EDEM2: variants seen among roughly 807,000 people sequenced by gnomAD.
The protein encoded by EDEM2 is ER degradation-enhancing alpha-mannosidase-like protein 2.
EDEM2 carries 39 observed loss-of-function variants against 64.8 expected under a neutral mutation model. The observed-to-expected ratio is 0.60, with a 90% CI of 0.47 to 0.79. The LOEUF (loss-of-function observed/expected upper bound fraction) is 0.79, where lower values mean the gene tolerates loss of function less well. EDEM2 is among the 30% of genes least tolerant of loss of function. The probability of loss-of-function intolerance (pLI) is 0.00; values close to 1 mark genes in which losing one functional copy is unlikely to be tolerated. For synonymous variants in EDEM2, 296 were observed against 291.5 expected (o/e 1.02, Z -0.16); for missense variants, 609 against 731.3 (o/e 0.83, Z 1.93).
chr20:35,144,136 T>A (rs761829116), intron 3 of EDEM2, among the ~76,000 whole-genome samples: 8 of 151,148 alleles, frequency 5.3e-5, no homozygotes, highest in Non-Finnish European at 1.2e-4. Context: ...CTTGAACTCC[T>A]GTGCTCAAGC....
At chr20:35,124,889 T>C (rs2085411916) in intron 8 of EDEM2, among the ~76,000 whole-genome samples, 1 of 152,206 alleles carries the variant, frequency 6.6e-6, no homozygotes, top group African/African-American at 2.4e-5. Context: ...ATATGTCACA[T>C]CAAATAGATG....
At chr20:35,143,407 G>A (rs1048673211) in intron 3 of EDEM2, among the ~76,000 whole-genome samples, 5 of 152,124 alleles carry the variant, frequency 3.3e-5, no homozygotes, top group East Asian at 1.9e-4. Flanking sequence ...AGACCATGAC[G>A]TACTAAGCAT....
intron 10 of EDEM2, among the ~76,000 whole-genome samples, chr20:35,117,764 C>T (rs959293924): frequency 6.6e-6 from 1 of 152,140 alleles, no homozygotes; most frequent in Non-Finnish European, 1.5e-5. Context: ...ATATTTATAT[C>T]TTGCCTGCTT....
intron 2 of EDEM2, among the ~76,000 whole-genome samples, chr20:35,146,066 C>T (rs1050634338): frequency 6.7e-6 from 1 of 148,232 alleles, no homozygotes; most frequent in Non-Finnish European, 1.5e-5. Flanking sequence ...TTAAGAAGTT[C>T]ATTTTAAAAA....
intron 4 of EDEM2, among the ~76,000 whole-genome samples, chr20:35,139,651 GAA>G (rs924462871): frequency 9.3e-5 from 7 of 75,084 alleles, no homozygotes; most frequent in Non-Finnish European, 1.1e-4. Flanking sequence ...CTCCATCTCA[GAA>G]AAAAAAAAAA....
rs139566342 is a variant in EDEM2 at position 35,131,736 on chromosome 20, G to A, written c.750C>T (p.Asp250=). 1.4e-5 allele frequency: 22 copies of A among 1,614,078 alleles called. No homozygotes were observed. The highest frequency in any genetic ancestry group is 7.7e-5 in the South Asian group (7 of 91,076). ...AGTCCACGCCAGCCCCGATGCCTGC[G>A]TCCTGGGCCACCCACTTGCCAGTGA... is the stretch of plus-strand genomic sequence containing the variant. The part of the protein sequence containing the change: ...DVLTGKWVAQ[D]AGIGAGVDSY... Residue 250 remains aspartate (D), a synonymous_variant, in exon 7 of 11, where the codon GAC becomes GAT. Transcript: ENST00000374492.
Position 35,115,565 on chromosome 20 carries a change from G to A in EDEM2, c.1605C>T (p.Phe535=). 6.2e-7 allele frequency: 1 copy of A among 1,614,158 alleles called. No individual in the cohort carries two copies. The highest frequency in any genetic ancestry group is 8.5e-7 in the Non-Finnish European group (1 of 1,180,026). Residue 535 remains phenylalanine (F), a synonymous_variant, in exon 11 of 11, where the codon TTC becomes TTT. Transcript: ENST00000374492. ...WEPPARPGTL[F]SPENHDQARE... is the part of the protein sequence containing the mutation. ...TTGCCTGGTCATGGTTTTCTGGTGA[G>A]AAGAGTGTTCCTGGCCTTGCTGGAG...
intron 3 of EDEM2, among the ~76,000 whole-genome samples, chr20:35,143,679 C>T (rs1054819876): frequency 6.6e-6 from 1 of 152,168 alleles, no homozygotes; most frequent in South Asian, 2.1e-4. Flanking sequence ...AGGCTGATCC[C>T]ATCCCTCTAG....
intron 4 of EDEM2, among the ~76,000 whole-genome samples, chr20:35,141,255 A>ATATAAAAATAT (rs2085650296): frequency 6.6e-6 from 1 of 152,224 alleles, no homozygotes; most frequent in Non-Finnish European, 1.5e-5. Context: ...AGAATGGATA[A>ATATAAAAATAT]ACAAAATATA....
intron 7 of EDEM2, 123 bp downstream of exon 7, chr20:35,131,519 T>A: frequency 1.6e-6 from 2 of 1,225,706 alleles, no homozygotes; most frequent in Non-Finnish European, 2.3e-6. Context: ...TGAGCCTAGA[T>A]TGTGCCACTG....
chr20:35,147,158 TG>T lies in EDEM2; in HGVS notation c.100del (p.His34ThrfsTer43). Reference sequence around the variant, plus strand: ...AGGGCGGGTCACAGTTCACCTGTAGTGGGCGGGATCTGGCGCGGAGCCGTCG... The same window carrying T: ...AGGGCGGGTCACAGTTCACCTGTAGTGGCGGGATCTGGCGCGGAGCCGTCG... ...GPDGSAPDPA[H>X]YRERVKAMFY... On this transcript the variant is annotated frameshift_variant, in exon 1 of 11. Transcript: ENST00000374492. LOFTEE classifies it high-confidence loss of function. The T allele has an allele frequency of 6.2e-7, 1 of 1,601,232 alleles. No individual in the cohort carries two copies. The highest frequency in any genetic ancestry group is 8.5e-7 in the Non-Finnish European group (1 of 1,172,234).
chr20:35,137,113 G>T (rs1419365965), intron 5 of EDEM2, among the ~76,000 whole-genome samples: 3 of 152,098 alleles, frequency 2.0e-5, no homozygotes, highest in Non-Finnish European at 4.4e-5. Context: ...TTTGATAGAT[G>T]GGGAAACCAA....
chr20:35,120,529 CAAAGGCAGA>C, intron 9 of EDEM2, among the ~76,000 whole-genome samples: 1 of 150,984 alleles, frequency 6.6e-6, no homozygotes, highest in Middle Eastern at 3.5e-3. Context: ...TCTGTGTGTT[CAAAGGCAGA>C]AAAGACAGTG....
At chr20:35,118,175 T>C (rs2085329849) in intron 10 of EDEM2, among the ~76,000 whole-genome samples, 1 of 152,176 alleles carries the variant, frequency 6.6e-6, no homozygotes, top group Non-Finnish European at 1.5e-5. Flanking sequence ...TCAAGAAATA[T>C]CTGTGAGACT....
chr20:35,139,695 T>C (rs1201025494), intron 4 of EDEM2, among the ~76,000 whole-genome samples: 4 of 147,080 alleles, frequency 2.7e-5, no homozygotes, highest in Admixed American at 6.9e-5. Context: ...GAAATCTACA[T>C]GTATGTACCT....
chr20:35,115,788 T>C lies in EDEM2; in HGVS notation c.1382A>G (p.Tyr461Cys), dbSNP rs756222677. 5 of 1,613,934 alleles carry C rather than the reference T, an allele frequency of 3.1e-6. No individual in the cohort carries two copies. In the Admixed American group the frequency reaches 6.7e-5, roughly 22 times the overall value. The part of the protein sequence containing the change: ...GSTFDAVITP[Y>C]GECILGAGGY... ...CCCAGCCCCCAGGATGCACTCCCCA[T>C]AGGGGGTGATCACCGCGTCGAAGGT... Residue 461 changes from tyrosine to cysteine, a missense_variant, in exon 11 of 11, where the codon TAT becomes TGT. Transcript: ENST00000374492.
intron 5 of EDEM2, among the ~76,000 whole-genome samples, chr20:35,135,393 A>C (rs548683980): frequency 1.3e-5 from 2 of 152,324 alleles, no homozygotes; most frequent in East Asian, 3.9e-4. Flanking sequence ...GCTCACGCCT[A>C]TAATCCCAGC....
At chr20:35,144,773 T>C (rs2085705965) in intron 3 of EDEM2, among the ~76,000 whole-genome samples, 2 of 152,208 alleles carry the variant, frequency 1.3e-5, no homozygotes, top group Non-Finnish European at 2.9e-5. Context: ...TCTATAAATG[T>C]TTGCTAAATA....
rs548038255 is a variant in EDEM2, at chr20:35,137,070, G to T, written c.490+810C>A. 4.6e-5 allele frequency among the ~76,000 whole-genome samples: 7 copies of T among 152,266 alleles called. No individual in the cohort carries two copies. The South Asian group carries it at 1.4e-3, about 32-fold the overall frequency. On this transcript the variant is annotated intron_variant, in intron 5 of 10. Coordinates refer to ENST00000374492, the MANE Select transcript of EDEM2 (RefSeq NM_018217.3). ...CCTCATTTTAGCCTCTCCAAAACCC[G>T]ATGTGGTAGGGAAGTAGAAATTATG...
Sources: gnomAD v4.1 joint callset for allele counts (sites outside exome capture counted in the v4.1 genomes callset) on GRCh38, gnomAD v4.1.1 for gene constraint, MANE v1.5 for transcripts, NCBI Gene and HGNC (gene_info 2026-07-23, HGNC 2026-07-21) for gene names.